The following FFAR1 variants were observed in gnomAD, a reference collection of about 807,000 sequenced individuals.
The protein encoded by FFAR1 is free fatty acid receptor 1.
For synonymous variants in FFAR1, 216 were observed against 201.5 expected (o/e 1.07, Z -0.61); for missense variants, 424 against 396.2 (o/e 1.07, Z -0.60).
exon 1 of FFAR1, chr19:35,352,631 G>A (rs1006318657): frequency 1.0e-5 from 7 of 669,956 alleles, no homozygotes; most frequent in African/African-American, 3.6e-5. Context: ...GAGGAGCACC[G>A]AGCCAGAGCA....
At chr19:35,352,507 A>T in exon 1 of FFAR1, 1 of 1,520,880 alleles carries the variant, frequency 6.6e-7, no homozygotes, top group South Asian at 1.2e-5. Context: ...CTGCTTCTCC[A>T]GGCCCCTGCG....
chr19:35,351,426 G>T (rs947589871), upstream of FFAR1: 3 of 805,958 alleles, frequency 3.7e-6, no homozygotes, highest in African/African-American at 5.2e-5. Flanking sequence ...CAGGTGAATT[G>T]TAATTCTCCA....
chr19:35,351,042 G>T (rs1256383386), upstream of FFAR1, among the ~76,000 whole-genome samples: 2 of 152,190 alleles, frequency 1.3e-5, no homozygotes, highest in Non-Finnish European at 2.9e-5. Context: ...CCTCCCTGCT[G>T]CCCCGCCGGC....
chr19:35,352,836 G>C (rs998349716), exon 1 of FFAR1: 2 of 306,490 alleles, frequency 6.5e-6, no homozygotes, highest in African/African-American at 4.2e-5. Context: ...TGATGCACTT[G>C]AGGACAGCTA....
At chr19:35,350,091 G>A (rs2145690605), upstream of FFAR1, among the ~76,000 whole-genome samples, 1 of 152,266 alleles carries the variant, frequency 6.6e-6, no homozygotes, top group African/African-American at 2.4e-5. Flanking sequence ...ACCCTGGGGG[G>A]AGTCGGCTTG....
upstream of FFAR1, among the ~76,000 whole-genome samples, chr19:35,348,410 C>A (rs1157692091): frequency 6.6e-6 from 1 of 152,174 alleles, no homozygotes; most frequent in East Asian, 1.9e-4. Context: ...ACCAGCCTAG[C>A]CAACATGGTA....
upstream of FFAR1, among the ~76,000 whole-genome samples, chr19:35,348,615 A>C (rs2066931420): frequency 6.6e-6 from 1 of 152,078 alleles, no homozygotes; most frequent in Admixed American, 6.6e-5. Context: ...ACAACAACAA[A>C]AACTGTTTAA....
At chr19:35,348,547 C>T (rs564948547), upstream of FFAR1, among the ~76,000 whole-genome samples, 6 of 152,250 alleles carry the variant, frequency 3.9e-5, no homozygotes, top group South Asian at 6.2e-4. Context: ...AGCGGTGAGC[C>T]GAGATCACGC....
At chr19:35,350,203 G>A (rs1319694468), upstream of FFAR1, among the ~76,000 whole-genome samples, 4 of 152,158 alleles carry the variant, frequency 2.6e-5, no homozygotes, top group African/African-American at 7.2e-5. Context: ...TCCTCCTCCC[G>A]CTCCTTCCTC....
At chr19:35,348,953 A>G (rs1221749680), upstream of FFAR1, among the ~76,000 whole-genome samples, 7 of 152,090 alleles carry the variant, frequency 4.6e-5, no homozygotes, top group Admixed American at 4.6e-4. Context: ...TAAACCTACT[A>G]CATGGCTGAT....
chr19:35,348,490 T>G (rs557245210), upstream of FFAR1, among the ~76,000 whole-genome samples: 1 of 152,208 alleles, frequency 6.6e-6, no homozygotes, highest in East Asian at 1.9e-4. Context: ...TCTCAGCTAC[T>G]TGGGAGGCTG....
upstream of FFAR1, chr19:35,351,443 G>A: frequency 2.1e-6 from 2 of 957,098 alleles, no homozygotes; most frequent in Non-Finnish European, 3.2e-6. Flanking sequence ...TCCACACAGG[G>A]CTGGAACCCG....
exon 1 of FFAR1, chr19:35,352,195 C>G (rs766999539): frequency 1.2e-6 from 2 of 1,601,128 alleles, no homozygotes; most frequent in African/African-American, 2.7e-5. Context: ...TCCGGCCTGA[C>G]GCACAGGCGG....
upstream of FFAR1, among the ~76,000 whole-genome samples, chr19:35,348,705 C>T (rs1035422083): frequency 6.6e-6 from 1 of 152,190 alleles, no homozygotes; most frequent in Non-Finnish European, 1.5e-5. Context: ...TCATTCTGCA[C>T]ACAGATACTG....
In FFAR1 at chr19:35,352,239, C is replaced by A. The variant is rs1568496039; in HGVS notation, c.688C>A (p.Leu230Ile). ...GGCCGCCTGGGTGGCCGGCGGGGCC[C>A]TCCTCACGCTGCTGCTCTGCGTAGG... Residue 230 changes from leucine to isoleucine, a missense_variant, in exon 1 of 1, where the codon CTC (leucine) becomes ATC (isoleucine). Physicochemically the swap from Leu to Ile is conservative, Grantham distance 5. Transcript: ENST00000246553. 3.2e-6 allele frequency: 5 copies of A among 1,560,162 alleles called. No homozygotes were observed. The South Asian group carries it at 4.7e-5, about 15-fold the overall frequency.
chr19:35,351,830 C>T (rs1599701608), exon 1 of FFAR1: 6 of 1,610,264 alleles, frequency 3.7e-6, no homozygotes, highest in Non-Finnish European at 4.2e-6. Context: ...TCTATGCCGG[C>T]GGGGGCTTCC....
chr19:35,353,586 T>G (rs1289461941), exon 1 of FFAR1: 1 of 152,252 alleles, frequency 6.6e-6, no homozygotes, highest in Non-Finnish European at 1.5e-5. Flanking sequence ...ACTGAAAACA[T>G]TATTAGAAAG....
chr19:35,350,785 A>G (rs1372629832), upstream of FFAR1, among the ~76,000 whole-genome samples: 1 of 151,956 alleles, frequency 6.6e-6, no homozygotes, highest in Non-Finnish European at 1.5e-5. Flanking sequence ...GGCATCCTCC[A>G]TCAGCCCGCT....
chr19:35,347,915 C>T (rs1269446034), upstream of FFAR1, among the ~76,000 whole-genome samples: 1 of 152,202 alleles, frequency 6.6e-6, no homozygotes, highest in African/African-American at 2.4e-5. Flanking sequence ...GCTTTTCTGT[C>T]ATTCGAGGTC....
Sources: gnomAD v4.1 joint callset for allele counts (sites outside exome capture counted in the v4.1 genomes callset) on GRCh38, gnomAD v4.1.1 for gene constraint, MANE v1.5 for transcripts, NCBI Gene and HGNC (gene_info 2026-07-23, HGNC 2026-07-21) for gene names.